Variants in CALN1 observed in about 807,000 individuals in gnomAD.
CALN1 encodes calneuron 1.
A neutral mutation model predicts 30.6 loss-of-function variants in CALN1; 17 were observed. The ratio of observed to expected loss-of-function variants is 0.56; its 90% CI spans 0.38 to 0.83. The LOEUF is 0.83. Among genes scored for constraint, CALN1 ranks in the 40% least tolerant of loss-of-function variants. The pLI, the probability that CALN1 is intolerant of heterozygous loss-of-function variation, is 0.00. For synonymous variants in CALN1, 156 were observed against 131.4 expected, an observed-to-expected ratio of 1.19 and a Z score of -1.28; for missense variants, 291 against 354.9, an observed-to-expected ratio of 0.82 and a Z score of 1.45.
intron 3 of CALN1, among the ~76,000 whole-genome samples, chr7:72,144,259 C>G (rs1202769791): frequency 1.3e-5 from 2 of 151,650 alleles, no homozygotes; most frequent in African/African-American, 4.9e-5. Context: ...CACATAGGCT[C>G]AAAATAAAGG....
intron 3 of CALN1, among the ~76,000 whole-genome samples, chr7:72,187,353 C>A (rs1056351036): frequency 2.6e-5 from 4 of 152,096 alleles, no homozygotes; most frequent in Admixed American, 6.5e-5. Context: ...TGGTGGAATG[C>A]AATCATTGTC....
intron 2 of CALN1, among the ~76,000 whole-genome samples, chr7:72,351,952 C>T (rs1802944412): frequency 6.6e-6 from 1 of 152,114 alleles, no homozygotes; most frequent in African/African-American, 2.4e-5. Flanking sequence ...AAGATAGACT[C>T]TGTATCTTGT....
At chr7:72,099,064 G>A (rs1287870270) in intron 4 of CALN1, among the ~76,000 whole-genome samples, 2 of 152,154 alleles carry the variant, frequency 1.3e-5, no homozygotes, top group Non-Finnish European at 1.5e-5. Flanking sequence ...GCCGGGCCTC[G>A]TGCCGAAGGT....
At chr7:72,144,781 C>T (rs1370679700) in intron 3 of CALN1, among the ~76,000 whole-genome samples, 1 of 152,188 alleles carries the variant, frequency 6.6e-6, no homozygotes, top group Non-Finnish European at 1.5e-5. Flanking sequence ...GTCTCTCAGA[C>T]CACAGTGCAA....
At chr7:72,391,496 T>G (rs527835681) in intron 2 of CALN1, among the ~76,000 whole-genome samples, 4 of 152,188 alleles carry the variant, frequency 2.6e-5, no homozygotes, top group East Asian at 1.9e-4. Context: ...AGTGTGGTAG[T>G]TTTAAAATAT....
At chr7:72,029,444 C>A (rs1208529334) in intron 4 of CALN1, among the ~76,000 whole-genome samples, 1 of 151,968 alleles carries the variant, frequency 6.6e-6, no homozygotes, top group Non-Finnish European at 1.5e-5. Flanking sequence ...ATTTCCTGGC[C>A]AGAACTCCTA....
intron 2 of CALN1, among the ~76,000 whole-genome samples, chr7:72,372,650 CAG>C (rs1228843444): frequency 4.6e-5 from 7 of 152,138 alleles, no homozygotes; most frequent in African/African-American, 7.2e-5. Flanking sequence ...GCGTCACACA[CAG>C]GGGACAGATC....
intron 6 of CALN1, among the ~76,000 whole-genome samples, chr7:71,801,224 A>C (rs1787279545): frequency 6.6e-6 from 1 of 152,052 alleles, no homozygotes; most frequent in African/African-American, 2.4e-5. Flanking sequence ...CTTTTTATAA[A>C]AACATTGAGA....
At chr7:72,147,368 C>T (rs1786838318) in intron 3 of CALN1, among the ~76,000 whole-genome samples, 1 of 151,908 alleles carries the variant, frequency 6.6e-6, no homozygotes, top group South Asian at 2.1e-4. Context: ...GAAAAAAATG[C>T]TCATCATCAC....
At chr7:72,461,526 G>A in the CALN1 span, among the ~76,000 whole-genome samples, 3 of 152,240 alleles carry the variant, frequency 2.0e-5, no homozygotes, top group South Asian at 6.2e-4. Flanking sequence ...GCAGCTGGAG[G>A]CCATTATCCC....
intron 5 of CALN1, among the ~76,000 whole-genome samples, chr7:71,956,296 A>C (rs923073999): frequency 6.6e-6 from 1 of 150,410 alleles, no homozygotes; most frequent in African/African-American, 2.4e-5. Flanking sequence ...CCCGTTCTAG[A>C]ATTTTAATAG....
At chr7:72,415,707 C>T (rs372408292), upstream of CALN1, among the ~76,000 whole-genome samples, 2 of 152,324 alleles carry the variant, frequency 1.3e-5, no homozygotes, top group African/African-American at 4.8e-5. Context: ...CGTCGATCCT[C>T]CTGGGAAAAT....
At chr7:72,450,132 G>C (rs1032290188), upstream of CALN1, among the ~76,000 whole-genome samples, 2 of 151,980 alleles carry the variant, frequency 1.3e-5, no homozygotes, top group African/African-American at 4.8e-5. Context: ...CTTGATCCCA[G>C]GAGTTCAAGG....
the CALN1 span, among the ~76,000 whole-genome samples, chr7:72,468,511 G>A: frequency 2.3e-4 from 35 of 152,156 alleles, no homozygotes; most frequent in African/African-American, 5.5e-4. Context: ...ATGGAGTTTC[G>A]CTATGTTGCC....
At chr7:72,059,400 C>G (rs1000932198) in intron 4 of CALN1, among the ~76,000 whole-genome samples, 1 of 152,022 alleles carries the variant, frequency 6.6e-6, no homozygotes, top group Non-Finnish European at 1.5e-5. Flanking sequence ...TGAAGCAAAC[C>G]CTGACAATCC....
At chr7:72,249,252 C>T (rs1424815006) in intron 3 of CALN1, among the ~76,000 whole-genome samples, 2 of 152,284 alleles carry the variant, frequency 1.3e-5, no homozygotes, top group South Asian at 2.1e-4. Flanking sequence ...CCACTCCAGT[C>T]GTGAGCAACA....
chr7:72,050,156 G>C (rs367724760), intron 4 of CALN1, among the ~76,000 whole-genome samples: 1 of 152,002 alleles, frequency 6.6e-6, no homozygotes, highest in East Asian at 1.9e-4. Context: ...TTTTAATAAG[G>C]CATAAGGGAG....
At chr7:71,818,308 G>A (rs527354047) in intron 5 of CALN1, among the ~76,000 whole-genome samples, 3 of 152,156 alleles carry the variant, frequency 2.0e-5, no homozygotes, top group African/African-American at 7.2e-5. Flanking sequence ...GATAAGGAGG[G>A]AAGAGGAGAC....
chr7:71,940,465 T>C (rs1796068560), intron 5 of CALN1, among the ~76,000 whole-genome samples: 1 of 152,198 alleles, frequency 6.6e-6, no homozygotes. Context: ...CTGTGGAAAA[T>C]ATCAGGCTTA....
Sources: allele counts gnomAD v4.1 joint callset (sites outside exome capture counted in the v4.1 genomes callset), GRCh38; gene constraint gnomAD v4.1.1; transcripts MANE v1.5; gene names NCBI Gene and HGNC (gene_info 2026-07-23, HGNC 2026-07-21).